FGF2: variants seen among roughly 807,000 people sequenced by gnomAD.
The protein encoded by FGF2 is basic fibroblast growth factor bFGF.
A neutral mutation model predicts 15.9 loss-of-function variants in FGF2; 13 were observed. The observed-to-expected ratio is 0.82, with a 90% CI of 0.53 to 1.30. The LOEUF is 1.30. Ranked by LOEUF, FGF2 falls within the 50% of genes most tolerant of loss-of-function variation. The probability of loss-of-function intolerance (pLI) is 0.00; values close to 1 mark genes in which losing one functional copy is unlikely to be tolerated. For missense variants in FGF2, 163 were observed against 196.9 expected, an observed-to-expected ratio of 0.83 and a Z score of 1.03; for synonymous variants, 90 against 78.4, an observed-to-expected ratio of 1.15 and a Z score of -0.78.
chr4:122,842,193 A>AGCCTGCCTC (rs1451104127), intron 1 of FGF2, among the ~76,000 whole-genome samples: 81 of 152,338 alleles, frequency 5.3e-4, no homozygotes, highest in African/African-American at 1.9e-3. Context: ...TGTTGGGGGA[A>AGCCTGCCTC]ATACTATTTA....
At chr4:122,873,408 A>G (rs148777011) in intron 1 of FGF2, among the ~76,000 whole-genome samples, 2 of 152,228 alleles carry the variant, frequency 1.3e-5, no homozygotes, top group African/African-American at 4.8e-5. Flanking sequence ...GTACTTGTGC[A>G]CTGGGTGGAA....
chr4:122,826,849 G>T lies in FGF2; in HGVS notation c.-326G>T. 6.7e-7 allele frequency: 1 copy of T among 1,498,318 alleles called. No individual in the cohort carries two copies. Among genetic ancestry groups the T allele is most frequent in the Non-Finnish European group, 8.9e-7 (1 of 1,121,164 alleles). The allele number at this position is 1,498,318 out of a possible 1,614,324, so 92.8% of individuals were successfully genotyped here. A position where few individuals can be genotyped will look rare whatever the true frequency, so the allele number is the denominator to read the frequency against. ...GGCGGGTGCCAGATTAGCGGACGCG[G>T]TGCCCGCGGTTGCAACGGGATCCCG... On this transcript the variant is annotated 5_prime_UTR_variant, in exon 1 of 3. Coordinates refer to ENST00000644866, the MANE Select transcript of FGF2 (RefSeq NM_001361665.2).
At chr4:122,841,902 T>C (rs1404190651) in intron 1 of FGF2, among the ~76,000 whole-genome samples, 2 of 152,224 alleles carry the variant, frequency 1.3e-5, no homozygotes, top group African/African-American at 2.4e-5. Context: ...TTTTAAAAAA[T>C]TAACAGTTTG....
At position 122,892,798 on chromosome 4, in the gene FGF2, C is replaced by A; in HGVS notation, c.*402C>A. On this transcript the variant is annotated 3_prime_UTR_variant, in exon 3 of 3. Coordinates refer to ENST00000644866, the MANE Select transcript of FGF2 (RefSeq NM_001361665.2). ...ACTATTTCTTATGTCATTCGTTAGT[C>A]TACATGTTTCTAAACATATAAATGT... 1 of 1,514,262 alleles carries A rather than the reference C, an allele frequency of 6.6e-7. No homozygotes were observed. The highest frequency in any genetic ancestry group is 1.3e-5 in the South Asian group (1 of 78,772). The allele number at this position is 1,514,262 out of a possible 1,614,324, so 93.8% of individuals were successfully genotyped here.
Position 122,827,360 on chromosome 4 carries a change from C to T in FGF2, c.178+8C>T, listed in dbSNP as rs1320690729. ...AGAAGAGCGACCCTCACAGTGAGTG[C>T]CGACCCGCTCTCTCCGCCTCATTTC... On this transcript the variant is annotated splice_region_variant and intron_variant, in intron 1 of 2. Transcript: ENST00000644866. This position sits in a 1 kb window ranked among gnomAD's most constrained non-coding sequence, Gnocchi z 4.2. The T allele has an allele frequency of 6.2e-7, 1 of 1,612,426 alleles. No individual in the cohort carries two copies. The highest frequency in any genetic ancestry group is 2.2e-5 in the East Asian group (1 of 44,870).
rs569432713 is a variant in FGF2, at chr4:122,894,176, A to G, written c.*1780A>G. The G allele has an allele frequency of 1.3e-5, 2 of 152,364 alleles. No individual in the cohort carries two copies. Among genetic ancestry groups the G allele is most frequent in the South Asian group, 4.1e-4 (2 of 4,822 alleles). The allele number at this position is 152,364 out of a possible 1,614,324, so 9.4% of individuals were successfully genotyped here. Reference sequence around the variant, plus strand: ...TAATAGCTATGGAAAGATGCATAGAAAGAGTATAATGTTTTAAAACATAAG... The same window carrying G: ...TAATAGCTATGGAAAGATGCATAGAGAGAGTATAATGTTTTAAAACATAAG... On this transcript the variant is annotated 3_prime_UTR_variant, in exon 3 of 3. Transcript: ENST00000644866.
intron 1 of FGF2, among the ~76,000 whole-genome samples, chr4:122,837,687 C>G (rs1406816720): frequency 6.6e-6 from 1 of 151,892 alleles, no homozygotes. Context: ...CATTTACTCA[C>G]TGGCTGGATG....
rs143898833 is a variant in FGF2, at chr4:122,881,537, G to A, written c.282+5113G>A. Among the ~76,000 whole-genome samples, 1,521 of 152,276 alleles carry A rather than the reference G, an allele frequency of 1.0e-2. 32 individuals are homozygous for A. Among genetic ancestry groups the A allele is most frequent in the African/African-American group, 0.034 (1,405 of 41,542 alleles). On this transcript the variant is annotated intron_variant, in intron 2 of 2. Coordinates refer to ENST00000644866, the MANE Select transcript of FGF2 (RefSeq NM_001361665.2). The stretch of plus-strand genomic sequence containing the variant: ...CTAGGGCAGGGGCAAAATGCCACCA[G>A]TCTCTTTGCTAAAACATAACAAGAC...
chr4:122,828,026 T>C (rs1193282871), intron 1 of FGF2, among the ~76,000 whole-genome samples: 1 of 152,220 alleles, frequency 6.6e-6, no homozygotes, highest in East Asian at 1.9e-4. Flanking sequence ...CTTTGAGACC[T>C]TGAGCCGACG....
At chr4:122,838,934 T>G (rs1442183759) in intron 1 of FGF2, among the ~76,000 whole-genome samples, 1 of 152,198 alleles carries the variant, frequency 6.6e-6, no homozygotes, top group Non-Finnish European at 1.5e-5. Context: ...TCCCATAGGA[T>G]TATAATACTG....
chr4:122,869,987 A>G (rs1452173603), intron 1 of FGF2, among the ~76,000 whole-genome samples: 1 of 152,136 alleles, frequency 6.6e-6, no homozygotes, highest in Non-Finnish European at 1.5e-5. Flanking sequence ...AATAGCTCTT[A>G]TTATTTTGAG....
intron 1 of FGF2, among the ~76,000 whole-genome samples, chr4:122,828,176 C>G (rs1226093030): frequency 6.6e-6 from 1 of 152,098 alleles, no homozygotes; most frequent in Admixed American, 6.5e-5. Context: ...AGAACACTGG[C>G]CTAAATAAGG....
intron 1 of FGF2, among the ~76,000 whole-genome samples, chr4:122,861,838 C>G (rs1369131467): frequency 6.6e-6 from 1 of 152,022 alleles, no homozygotes; most frequent in African/African-American, 2.4e-5. Flanking sequence ...CTCCCTTTCT[C>G]CTTTGGAAGT....
chr4:122,832,247 G>A (rs142398304), intron 1 of FGF2, among the ~76,000 whole-genome samples: 66 of 152,196 alleles, frequency 4.3e-4, no homozygotes, highest in African/African-American at 1.6e-3. Context: ...TATCTTTGGG[G>A]CACATATCTT....
Position 122,827,690 on chromosome 4 carries a change from C to T in FGF2, c.178+338C>T, listed in dbSNP as rs1366372700. Among the ~76,000 whole-genome samples, 1 of 152,200 alleles carries T rather than the reference C, an allele frequency of 6.6e-6. No homozygotes were observed. Among genetic ancestry groups the T allele is most frequent in the Non-Finnish European group, 1.5e-5 (1 of 68,038 alleles). Reference sequence around the variant, plus strand: ...CGGGGATGCCCGCGGCCCCGCCATGCAGCTCTGGCCGCTTCTATCTGCTGC... The same window carrying T: ...CGGGGATGCCCGCGGCCCCGCCATGTAGCTCTGGCCGCTTCTATCTGCTGC... On this transcript the variant is annotated intron_variant, in intron 1 of 2. Coordinates refer to ENST00000644866, the MANE Select transcript of FGF2 (RefSeq NM_001361665.2). The surrounding 1 kb of genome is among the most constrained non-coding windows in gnomAD (Gnocchi z 4.2).
Position 122,896,308 on chromosome 4 carries a change from C to T in FGF2, c.*3912C>T, listed in dbSNP as rs1489789497. 6.6e-6 allele frequency: 1 copy of T among 152,390 alleles called. No homozygotes were observed. Among genetic ancestry groups the T allele is most frequent in the Non-Finnish European group, 1.5e-5 (1 of 68,012 alleles). 9.4% of individuals were successfully genotyped at this position (152,390 alleles called of 1,614,324 possible). ...TTGGAAATGTGTTTTTCTTCAATTA[C>T]ATCTACAAGTAAGTACAGCTGAAAT... On this transcript the variant is annotated 3_prime_UTR_variant, in exon 3 of 3. Coordinates refer to ENST00000644866, the MANE Select transcript of FGF2 (RefSeq NM_001361665.2).
chr4:122,869,648 G>A (rs1726687239), intron 1 of FGF2, among the ~76,000 whole-genome samples: 1 of 151,992 alleles, frequency 6.6e-6, no homozygotes, highest in South Asian at 2.1e-4. Context: ...GTCTATTGTT[G>A]GTGTAAAGGA....
chr4:122,876,293 A>G lies in FGF2; in HGVS notation c.179-28A>G, dbSNP rs45509598. 4.2e-4 allele frequency: 566 copies of G among 1,357,194 alleles called. 3 individuals carry two copies. In the Middle Eastern group the frequency reaches 0.015, roughly 37 times the overall value. The allele number at this position is 1,357,194 out of a possible 1,614,324, so 84.1% of individuals were successfully genotyped here. ...AGAAGGCTCTTTCCTCTGTGGTGCT[A>G]CAAAGATAATTTTTTTTCCCGTTAC... is the stretch of plus-strand genomic sequence containing the variant. On this transcript the variant is annotated intron_variant, in intron 1 of 2. Coordinates refer to ENST00000644866, the MANE Select transcript of FGF2 (RefSeq NM_001361665.2).
chr4:122,876,134 C>T (rs1314793299), intron 1 of FGF2, among the ~76,000 whole-genome samples, 187 bp from the exon 2 acceptor site: 1 of 152,148 alleles, frequency 6.6e-6, no homozygotes, highest in East Asian at 1.9e-4. Context: ...AGTTCTGCAT[C>T]TCATCCTCTC....
Sources: allele counts gnomAD v4.1 joint callset (sites outside exome capture counted in the v4.1 genomes callset), GRCh38; gene constraint gnomAD v4.1.1; non-coding constraint Gnocchi (gnomAD v3.1); transcripts MANE v1.5; gene names NCBI Gene and HGNC (gene_info 2026-07-23, HGNC 2026-07-21).